CHODL: variants seen among roughly 807,000 people sequenced by gnomAD.
The protein encoded by CHODL is transmembrane protein MT75.
CHODL carries 29 observed loss-of-function variants against 34.5 expected under a neutral mutation model. The ratio of observed to expected loss-of-function variants is 0.84; its 90% CI spans 0.63 to 1.15. The LOEUF (loss-of-function observed/expected upper bound fraction) is 1.15, where lower values mean the gene tolerates loss of function less well. Ranked by LOEUF, CHODL falls within the 50% of genes most tolerant of loss-of-function variation. CHODL has a pLI of 0.00. For synonymous variants in CHODL, 125 were observed against 116.1 expected, an observed-to-expected ratio of 1.08 and a Z score of -0.49; for missense variants, 332 against 332.5, an observed-to-expected ratio of 1.00 and a Z score of 0.01.
intron 2 of CHODL, among the ~76,000 whole-genome samples, chr21:18,067,067 A>G (rs1341361667): frequency 6.6e-6 from 1 of 152,212 alleles, no homozygotes; most frequent in African/African-American, 2.4e-5. Flanking sequence ...GAGGTAGAAG[A>G]ATCTTCATGG....
chr21:18,072,377 T>C (rs1288769302), intron 2 of CHODL, among the ~76,000 whole-genome samples: 1 of 152,128 alleles, frequency 6.6e-6, no homozygotes, highest in East Asian at 1.9e-4. Flanking sequence ...GAAATATTTT[T>C]TAAGACACAA....
chr21:18,104,389 T>G (rs1261470537), intron 2 of CHODL, among the ~76,000 whole-genome samples: 2 of 152,164 alleles, frequency 1.3e-5, no homozygotes, highest in Admixed American at 6.6e-5. Flanking sequence ...GTGAGGAAGA[T>G]GCCTTGCTTC....
intron 1 of CHODL, among the ~76,000 whole-genome samples, chr21:17,971,174 A>G (rs956463201): frequency 2.6e-5 from 4 of 152,164 alleles, no homozygotes; most frequent in Non-Finnish European, 5.9e-5. Context: ...TGCTCTTATG[A>G]ACAGTGCTGC....
At chr21:17,980,831 T>C (rs1441293887) in intron 1 of CHODL, among the ~76,000 whole-genome samples, 1 of 152,176 alleles carries the variant, frequency 6.6e-6, no homozygotes, top group East Asian at 1.9e-4. Flanking sequence ...GGGATGAGGA[T>C]AGGAGAAAAT....
rs549003222 is a variant in CHODL, at chr21:18,028,929, T to C, written c.-45+958T>C. Among the ~76,000 whole-genome samples, 20 of 152,266 alleles carry C rather than the reference T, an allele frequency of 1.3e-4. No homozygotes were observed. The South Asian group carries it at 3.9e-3, about 30-fold the overall frequency. On this transcript the variant is annotated intron_variant, in intron 2 of 6. Transcript: ENST00000400127. ...CTATTTTCAATGATAAAAATGAAAG[T>C]AGATTTTATAAATTCATTGTCTCTT...
chr21:18,121,535 T>TCTG (rs10663711), intron 2 of CHODL, among the ~76,000 whole-genome samples: 24,044 of 152,042 alleles, frequency 0.16, 2,033 homozygotes, highest in Admixed American at 0.19. Flanking sequence ...GTTCTTCAAA[T>TCTG]CTCCTCACTC....
chr21:18,162,403 G>A (rs1473767013), intron 2 of CHODL, among the ~76,000 whole-genome samples: 3 of 124,112 alleles, frequency 2.4e-5, no homozygotes, highest in South Asian at 2.9e-4. Context: ...TCATATTCAC[G>A]TGGTGTTTTC....
At chr21:18,165,605 T>G (rs569885615) in intron 2 of CHODL, among the ~76,000 whole-genome samples, 8 of 152,300 alleles carry the variant, frequency 5.3e-5, no homozygotes, top group Non-Finnish European at 1.2e-4. Context: ...GGTAGCTAGC[T>G]TCCAAGACAC....
chr21:18,081,432 G>A (rs1360341576), intron 2 of CHODL, among the ~76,000 whole-genome samples: 2 of 152,134 alleles, frequency 1.3e-5, no homozygotes, highest in African/African-American at 4.8e-5. Flanking sequence ...TGTAATCCCA[G>A]CAATTTGGGA....
At chr21:18,090,642 G>T (rs941806652) in intron 2 of CHODL, among the ~76,000 whole-genome samples, 7 of 148,068 alleles carry the variant, frequency 4.7e-5, no homozygotes, top group Non-Finnish European at 8.9e-5. Context: ...GAATGAAAGA[G>T]GAATATAGAA....
chr21:17,927,126 A>ATATATG lies in CHODL; in HGVS notation c.-145+9731_-145+9732insGTATAT, dbSNP rs1418947136. Among the ~76,000 whole-genome samples, 339 of 113,302 alleles carry ATATATG rather than the reference A, an allele frequency of 3.0e-3. 6 individuals carry two copies. Among genetic ancestry groups the ATATATG allele is most frequent in the African/African-American group, 0.012 (312 of 25,528 alleles). The allele number at this position is 113,302 out of a possible 152,430, so 74.3% of individuals were successfully genotyped here. On this transcript the variant is annotated intron_variant, in intron 1 of 6. Coordinates refer to the CHODL transcript ENST00000400127. ...TGTGTATGTATATATGTATATATGT[A>ATATATG]TATATATGTATATATGTATATATGT... is the stretch of plus-strand genomic sequence containing the variant.
intron 1 of CHODL, among the ~76,000 whole-genome samples, chr21:17,950,955 G>A (rs1342376599): frequency 6.6e-6 from 1 of 152,116 alleles, no homozygotes; most frequent in Non-Finnish European, 1.5e-5. Flanking sequence ...ACAAATTCCT[G>A]TGGTCTGAGG....
chr21:18,212,465 C>T (rs2073783826), intron 2 of CHODL, among the ~76,000 whole-genome samples: 3 of 152,174 alleles, frequency 2.0e-5, no homozygotes, highest in South Asian at 2.1e-4. Context: ...TACCTTTAGA[C>T]TTAAAGCAGT....
chr21:17,980,749 C>T (rs2063707246), intron 1 of CHODL, among the ~76,000 whole-genome samples: 1 of 152,178 alleles, frequency 6.6e-6, no homozygotes, highest in Admixed American at 6.5e-5. Flanking sequence ...GCCTCCCTCA[C>T]ACCTCATCCA....
At chr21:18,050,182 A>G (rs1273082300) in intron 2 of CHODL, among the ~76,000 whole-genome samples, 2 of 151,940 alleles carry the variant, frequency 1.3e-5, no homozygotes, top group Non-Finnish European at 2.9e-5. Flanking sequence ...CCACAGAGGG[A>G]CATTTTCCTC....
intron 2 of CHODL, among the ~76,000 whole-genome samples, chr21:18,192,602 G>A (rs968441986): frequency 1.3e-5 from 2 of 151,956 alleles, no homozygotes; most frequent in African/African-American, 4.8e-5. Flanking sequence ...TTTTAACTTG[G>A]ACATATCATT....
intron 2 of CHODL, among the ~76,000 whole-genome samples, chr21:18,161,848 G>T (rs1393255210): frequency 6.6e-6 from 1 of 152,146 alleles, no homozygotes; most frequent in Non-Finnish European, 1.5e-5. Context: ...GCTCCTAAGG[G>T]TAGGACTGTG....
At chr21:18,058,781 GT>G (rs1264342761) in intron 2 of CHODL, among the ~76,000 whole-genome samples, 7 of 152,120 alleles carry the variant, frequency 4.6e-5, no homozygotes, top group African/African-American at 1.4e-4. Flanking sequence ...CAGCCTTATG[GT>G]TTTCATTATA....
At chr21:18,104,769 T>G (rs755889647) in intron 2 of CHODL, among the ~76,000 whole-genome samples, 10 of 152,220 alleles carry the variant, frequency 6.6e-5, no homozygotes, top group Non-Finnish European at 1.2e-4. Context: ...TCCTAATGAT[T>G]CCAGCAACAC....
Sources: allele counts gnomAD v4.1 joint callset (sites outside exome capture counted in the v4.1 genomes callset), GRCh38; gene constraint gnomAD v4.1.1; transcripts MANE v1.5; gene names NCBI Gene and HGNC (gene_info 2026-07-23, HGNC 2026-07-21).